KITLG: variants seen among roughly 807,000 people sequenced by gnomAD.
KITLG encodes KIT ligand.
KITLG carries 13 observed loss-of-function variants against 34.1 expected under a neutral mutation model. That is an observed-to-expected ratio of 0.38 (90% CI 0.25 to 0.61). The LOEUF is 0.61. Among genes scored for constraint, KITLG ranks in the 20% least tolerant of loss-of-function variants. The pLI is 0.60. For missense variants in KITLG, 292 were observed against 318.9 expected, an observed-to-expected ratio of 0.92 and a Z score of 0.64; for synonymous variants, 110 against 104.0, an observed-to-expected ratio of 1.06 and a Z score of -0.35.
At chr12:88,539,617 C>T (rs1050510254) in intron 2 of KITLG, among the ~76,000 whole-genome samples, 1 of 152,000 alleles carries the variant, frequency 6.6e-6, no homozygotes, top group Non-Finnish European at 1.5e-5. Flanking sequence ...AATGGTAACT[C>T]AATTAGTGAT....
intron 1 of KITLG, among the ~76,000 whole-genome samples, chr12:88,559,034 AACCAAAC>A (rs1447645317): frequency 3.3e-5 from 5 of 152,188 alleles, no homozygotes; most frequent in African/African-American, 1.2e-4. Context: ...TTACTCATGT[AACCAAAC>A]ACCCCCTGTT....
chr12:88,506,322 A>G lies in KITLG; in HGVS notation c.771T>C (p.Asp257=), dbSNP rs1258448621. ...GCAAAACAAAATACCTTATCTCATT[A>G]TCCTCTTCATTAATTTGTATATTTT... is the stretch of plus-strand genomic sequence containing the variant. ...AVENIQINEE[D]NEISMLQEKE... Residue 257 remains aspartate (D), a synonymous_variant, in exon 8 of 10, where the codon GAT becomes GAC. Transcript: ENST00000644744. 1.9e-6 allele frequency: 3 copies of G among 1,606,016 alleles called. No homozygotes were observed. Among genetic ancestry groups the G allele is most frequent in the Non-Finnish European group, 2.6e-6 (3 of 1,172,788 alleles).
intron 9 of KITLG, among the ~76,000 whole-genome samples, chr12:88,500,102 T>C (rs561149722): frequency 1.6e-4 from 24 of 152,266 alleles, no homozygotes; most frequent in African/African-American, 5.8e-4. Flanking sequence ...ATTTAACTCT[T>C]TATATGTGAC....
At chr12:88,548,889 A>G (rs1323654169) in intron 1 of KITLG, among the ~76,000 whole-genome samples, 1 of 152,210 alleles carries the variant, frequency 6.6e-6, no homozygotes, top group Non-Finnish European at 1.5e-5. Context: ...AGTCTCGAGA[A>G]GAGCCATAGA....
intron 9 of KITLG, among the ~76,000 whole-genome samples, chr12:88,504,488 T>G (rs933651869): frequency 2.0e-5 from 3 of 152,194 alleles, no homozygotes; most frequent in African/African-American, 7.2e-5. Flanking sequence ...AAGATATTTA[T>G]GCAGCCAACA....
intron 4 of KITLG, 140 bp from the exon 5 acceptor site, chr12:88,516,630 G>A (rs755370939): frequency 1.9e-5 from 11 of 581,182 alleles, no homozygotes; most frequent in African/African-American, 9.4e-5. Context: ...CTGTTTTAAC[G>A]TATGTAATTC....
chr12:88,511,595 G>A (rs898977844), intron 6 of KITLG, among the ~76,000 whole-genome samples: 4 of 152,146 alleles, frequency 2.6e-5, no homozygotes, highest in Non-Finnish European at 4.4e-5. Flanking sequence ...ATCTCCTTAA[G>A]TTACTGGTCC....
intron 1 of KITLG, among the ~76,000 whole-genome samples, chr12:88,575,437 GAGAA>G (rs1352744401): frequency 2.0e-5 from 3 of 152,052 alleles, no homozygotes; most frequent in African/African-American, 7.2e-5. Context: ...TTTTTCTATA[GAGAA>G]AGAAATAGGT....
At chr12:88,524,885 T>C (rs1869807440) in intron 3 of KITLG, among the ~76,000 whole-genome samples, 1 of 152,200 alleles carries the variant, frequency 6.6e-6, no homozygotes, top group African/African-American at 2.4e-5. Flanking sequence ...AGTGTCTATT[T>C]GGCTGACGTC....
At chr12:88,545,969 A>G (rs1870706578) in intron 1 of KITLG, 104 bp from the exon 2 acceptor site, 3 of 766,024 alleles carry the variant, frequency 3.9e-6, no homozygotes, top group Admixed American at 1.8e-5. Context: ...CCAGTCTAAT[A>G]TATGTTATTG....
At chr12:88,573,025 G>A (rs912397694) in intron 1 of KITLG, among the ~76,000 whole-genome samples, 7 of 152,122 alleles carry the variant, frequency 4.6e-5, no homozygotes, top group Admixed American at 1.3e-4. Flanking sequence ...AATCCCTAAT[G>A]TGTTTACTAT....
intron 3 of KITLG, among the ~76,000 whole-genome samples, 176 bp from the exon 4 acceptor site, chr12:88,519,043 G>T (rs1432419089): frequency 6.6e-6 from 1 of 152,056 alleles, no homozygotes; most frequent in Non-Finnish European, 1.5e-5. Context: ...TTTATTTTTA[G>T]TAGAGAGGAA....
chr12:88,507,955 G>A (rs1467671345), intron 6 of KITLG, among the ~76,000 whole-genome samples: 4 of 152,106 alleles, frequency 2.6e-5, no homozygotes, highest in African/African-American at 9.7e-5. Flanking sequence ...GGGAGGCCGA[G>A]TCAAGCAGAT....
At chr12:88,568,536 T>G (rs901778057) in intron 1 of KITLG, among the ~76,000 whole-genome samples, 1 of 152,080 alleles carries the variant, frequency 6.6e-6, no homozygotes, top group Non-Finnish European at 1.5e-5. Context: ...AATGAGGATA[T>G]TGGGGCCTAG....
chr12:88,534,288 C>A (rs2120883749), intron 2 of KITLG, among the ~76,000 whole-genome samples: 1 of 152,256 alleles, frequency 6.6e-6, no homozygotes, highest in East Asian at 1.9e-4. Context: ...ACCCTCTGGG[C>A]ACTTGTTCTG....
rs1383633338 is a variant in KITLG at position 88,493,428 on chromosome 12, C to A, written c.*3791G>T. ...ATTATTTTATTTTTACAAACAAAGG[C>A]ATTTCAAGACTAGTTAATGGAAAGC... On this transcript the variant is annotated 3_prime_UTR_variant, in exon 10 of 10. Transcript: ENST00000644744. The A allele has an allele frequency of 1.3e-5, 2 of 152,108 alleles. No homozygotes were observed. Among genetic ancestry groups the A allele is most frequent in the African/African-American group, 2.4e-5 (1 of 41,352 alleles). The allele number at this position is 152,108 out of a possible 1,614,324, so 9.4% of individuals were successfully genotyped here.
chr12:88,549,770 T>C (rs1211254449), intron 1 of KITLG, among the ~76,000 whole-genome samples: 1 of 152,028 alleles, frequency 6.6e-6, no homozygotes, highest in African/African-American at 2.4e-5. Flanking sequence ...AATGAGTGGA[T>C]GAGATCACCA....
intron 1 of KITLG, among the ~76,000 whole-genome samples, chr12:88,562,387 A>G (rs41306958): frequency 6.6e-6 from 1 of 152,340 alleles, no homozygotes; most frequent in East Asian, 1.9e-4. Context: ...GAATTGCAAC[A>G]TCGCCAACCA....
At chr12:88,552,679 C>G (rs1267189169) in intron 1 of KITLG, among the ~76,000 whole-genome samples, 1 of 151,964 alleles carries the variant, frequency 6.6e-6, no homozygotes, top group Non-Finnish European at 1.5e-5. Context: ...AGCAGAGCAG[C>G]TCAGCTTTTT....
Sources: allele counts gnomAD v4.1 joint callset (sites outside exome capture counted in the v4.1 genomes callset), GRCh38; gene constraint gnomAD v4.1.1; transcripts MANE v1.5; gene names NCBI Gene and HGNC (gene_info 2026-07-23, HGNC 2026-07-21).